ATP11C: variants seen among roughly 807,000 people sequenced by gnomAD.
The protein encoded by ATP11C is phospholipid-transporting ATPase IG.
ATP11C carries 36 observed loss-of-function variants against 97.4 expected under a neutral mutation model. The observed-to-expected ratio is 0.37, with a 90% CI of 0.28 to 0.49. The LOEUF is 0.49. ATP11C is among the 20% of genes least tolerant of loss of function. The pLI is 0.98. For synonymous variants in ATP11C, 275 were observed against 290.9 expected, an observed-to-expected ratio of 0.95 and a Z score of 0.56; for missense variants, 730 against 824.6, an observed-to-expected ratio of 0.89 and a Z score of 1.40.
chrX:139,802,095 T>C (rs763640304), intron 7 of ATP11C, 141 bp downstream of exon 7: 13 of 473,735 alleles, frequency 2.7e-5, no homozygotes, highest in Admixed American at 2.5e-4. Context: ...TTGATTCATT[T>C]TTCTGCCAGA....
At chrX:139,839,288 C>T (rs755357202) in intron 1 of ATP11C, among the ~76,000 whole-genome samples, 5 of 111,357 alleles carry the variant, frequency 4.5e-5, no homozygotes, top group South Asian at 3.8e-4. Flanking sequence ...AAAAATGTTC[C>T]GGAACTAGGT....
intron 12 of ATP11C, among the ~76,000 whole-genome samples, chrX:139,792,199 C>T (rs755472367): frequency 9.0e-6 from 1 of 110,550 alleles, no homozygotes; most frequent in Non-Finnish European, 1.9e-5. Context: ...CCATAAACTC[C>T]CCAAAAAACT....
chrX:139,754,664 C>G (rs1231164042), intron 23 of ATP11C, among the ~76,000 whole-genome samples: 1 of 112,177 alleles, frequency 8.9e-6, no homozygotes, highest in East Asian at 2.8e-4. Context: ...ATCAGGCAGG[C>G]TTTATCACTA....
At chrX:139,773,173 T>C in intron 19 of ATP11C, among the ~76,000 whole-genome samples, 1 of 111,437 alleles carries the variant, frequency 9.0e-6, no homozygotes, top group East Asian at 2.8e-4. Context: ...TCTTCCTCAT[T>C]TTTCTCTTGT....
intron 19 of ATP11C, 72 bp downstream of exon 19, chrX:139,774,618 C>G (rs1410009514): frequency 1.1e-6 from 1 of 932,322 alleles, no homozygotes; most frequent in Non-Finnish European, 1.5e-6. Context: ...GAAAATGAAG[C>G]CTTTTGTATA....
At chrX:139,883,488 A>C (rs1455129459) in intron 1 of ATP11C, among the ~76,000 whole-genome samples, 1 of 111,509 alleles carries the variant, frequency 9.0e-6, no homozygotes, top group Non-Finnish European at 1.9e-5. Flanking sequence ...TTAGATATTT[A>C]GTTTTTGAAT....
intron 1 of ATP11C, among the ~76,000 whole-genome samples, chrX:139,867,922 G>A (rs2084311426): frequency 8.9e-6 from 1 of 112,119 alleles, no homozygotes; most frequent in South Asian, 3.7e-4. Context: ...GCAGCCATGA[G>A]AATGGAAGAG....
chrX:139,774,544 G>T, intron 19 of ATP11C, 146 bp downstream of exon 19: 1 of 489,351 alleles, frequency 2.0e-6, no homozygotes, highest in Non-Finnish European at 3.2e-6. Flanking sequence ...CATTATTCAA[G>T]TCCTCAGGGA....
chrX:139,770,527 T>TA (rs1279230471), intron 19 of ATP11C, among the ~76,000 whole-genome samples: 7 of 111,411 alleles, frequency 6.3e-5, no homozygotes, highest in Non-Finnish European at 1.1e-4. Flanking sequence ...GTGCTTCACT[T>TA]AAAGATCATT....
At chrX:139,863,769 A>G (rs747769913) in intron 1 of ATP11C, among the ~76,000 whole-genome samples, 1 of 110,826 alleles carries the variant, frequency 9.0e-6, no homozygotes, top group Non-Finnish European at 1.9e-5. Flanking sequence ...TTTAAGAATC[A>G]AGTATTAGTG....
chrX:139,807,440 G>A (rs2083068932), intron 5 of ATP11C, among the ~76,000 whole-genome samples: 1 of 111,401 alleles, frequency 9.0e-6, no homozygotes, highest in African/African-American at 3.3e-5. Flanking sequence ...TGGCCTGACA[G>A]AAGAAGCCAG....
At chrX:139,842,482 A>G (rs1351347729) in intron 1 of ATP11C, among the ~76,000 whole-genome samples, 1 of 112,157 alleles carries the variant, frequency 8.9e-6, no homozygotes, top group Admixed American at 9.4e-5. Flanking sequence ...CTTGCATTCT[A>G]CCTCTCACTG....
chrX:139,800,204 A>G (rs2082897969), intron 7 of ATP11C, 94 bp from the exon 8 acceptor site: 6 of 618,252 alleles, frequency 9.7e-6, no homozygotes, highest in Non-Finnish European at 1.5e-5. Flanking sequence ...CAAATAATAA[A>G]ACAGAGATAG....
At chrX:139,841,231 A>T (rs1329363283) in intron 1 of ATP11C, among the ~76,000 whole-genome samples, 2 of 112,626 alleles carry the variant, frequency 1.8e-5, no homozygotes, top group East Asian at 5.6e-4. Context: ...AACAGCATGT[A>T]ATCAACGGCA....
intron 1 of ATP11C, among the ~76,000 whole-genome samples, chrX:139,889,544 A>G (rs2084697495): frequency 8.9e-6 from 1 of 111,944 alleles, no homozygotes; most frequent in African/African-American, 3.2e-5. Context: ...TTACATACCT[A>G]AAAAGGGCAA....
intron 1 of ATP11C, among the ~76,000 whole-genome samples, chrX:139,889,489 AGTG>A (rs2084696347): frequency 8.9e-6 from 1 of 111,959 alleles, no homozygotes; most frequent in African/African-American, 3.2e-5. Context: ...TTTTGATTTC[AGTG>A]GTGATTACAA....
At chrX:139,926,686 C>T (rs755480124) in intron 1 of ATP11C, among the ~76,000 whole-genome samples, 3 of 112,612 alleles carry the variant, frequency 2.7e-5, no homozygotes, top group South Asian at 7.3e-4. Context: ...ATATTACTCA[C>T]TAAATGGCTG....
chrX:139,764,015 C>CA (rs1264661605), intron 20 of ATP11C, among the ~76,000 whole-genome samples: 4 of 112,049 alleles, frequency 3.6e-5, no homozygotes, highest in Non-Finnish European at 7.5e-5. Context: ...GAATGTGTGA[C>CA]AGTAGAAGCC....
At chrX:139,860,963 T>TA (rs1483227683) in intron 1 of ATP11C, among the ~76,000 whole-genome samples, 1 of 112,433 alleles carries the variant, frequency 8.9e-6, no homozygotes, top group Non-Finnish European at 1.9e-5. Flanking sequence ...ATCACCCCTG[T>TA]AGACTCTTTG....
Sources: gnomAD v4.1 joint callset for allele counts (sites outside exome capture counted in the v4.1 genomes callset) on GRCh38, gnomAD v4.1.1 for gene constraint, MANE v1.5 for transcripts, NCBI Gene and HGNC (gene_info 2026-07-23, HGNC 2026-07-21) for gene names.